The following PRKN variants were observed in gnomAD, a reference collection of about 807,000 sequenced individuals.
The protein encoded by PRKN is E3 ubiquitin-protein ligase parkin.
PRKN carries 56 observed loss-of-function variants against 59.5 expected under a neutral mutation model. The ratio of observed to expected loss-of-function variants is 0.94; its 90% CI spans 0.76 to 1.18. The LOEUF (loss-of-function observed/expected upper bound fraction) is 1.18, where lower values mean the gene tolerates loss of function less well. Ranked by LOEUF, PRKN falls within the 50% of genes most tolerant of loss-of-function variation. PRKN has a pLI of 0.00. For missense variants in PRKN, 657 were observed against 596.4 expected, an observed-to-expected ratio of 1.10 and a Z score of -1.06; for synonymous variants, 250 against 222.1, an observed-to-expected ratio of 1.13 and a Z score of -1.12.
chr6:161,887,357 T>C (rs1795191657), intron 6 of PRKN, among the ~76,000 whole-genome samples: 1 of 152,224 alleles, frequency 6.6e-6, no homozygotes, highest in Admixed American at 6.5e-5. Flanking sequence ...CAAGTGTTAC[T>C]GATGTAGTTA....
chr6:162,317,673 C>T (rs9458515), intron 2 of PRKN, among the ~76,000 whole-genome samples: 55,061 of 151,896 alleles, frequency 0.36, 11,829 homozygotes, highest in Non-Finnish European at 0.48. Flanking sequence ...AGTAGTCTGC[C>T]TGAAGGATAG....
chr6:161,668,865 T>C (rs573105281), intron 7 of PRKN, among the ~76,000 whole-genome samples: 40 of 152,344 alleles, frequency 2.6e-4, no homozygotes, highest in African/African-American at 9.6e-4. Flanking sequence ...GACCTGCTTC[T>C]ACCCCACTGG....
intron 4 of PRKN, among the ~76,000 whole-genome samples, chr6:162,123,391 A>T (rs1780996206): frequency 6.6e-6 from 1 of 152,240 alleles, no homozygotes; most frequent in Non-Finnish European, 1.5e-5. Context: ...TAGAAAAGAG[A>T]TGTTATAAAC....
rs1786966995 is a variant in PRKN at position 161,400,268 on chromosome 6, GT to G, written c.1084-13392del. On this transcript the variant is annotated intron_variant, in intron 9 of 11. Transcript: ENST00000366898. This position sits in a 1 kb window ranked among gnomAD's most constrained non-coding sequence, Gnocchi z 4.2. ...ATATTTTAGAAGAAAGTAGGATGAGGTGAGCTGGGGACATGGGGAAGATTAG... is the reference window on the plus strand; with the variant it reads ...ATATTTTAGAAGAAAGTAGGATGAGGGAGCTGGGGACATGGGGAAGATTAG... Among the ~76,000 whole-genome samples the G allele has an allele frequency of 6.6e-6, 1 of 152,096 alleles. No homozygotes were observed. The highest frequency in any genetic ancestry group is 2.4e-5 in the African/African-American group (1 of 41,396).
intron 8 of PRKN, among the ~76,000 whole-genome samples, chr6:161,557,224 T>C (rs1310652502): frequency 6.6e-6 from 1 of 152,214 alleles, no homozygotes; most frequent in Non-Finnish European, 1.5e-5. Context: ...AGTAAATTAT[T>C]CAGTCTTTAT....
intron 6 of PRKN, among the ~76,000 whole-genome samples, chr6:161,891,699 G>T (rs1795350572): frequency 6.6e-6 from 1 of 152,160 alleles, no homozygotes; most frequent in Admixed American, 6.5e-5. Flanking sequence ...TCTACAGGGG[G>T]TAAGACAAAT....
chr6:161,476,558 A>G (rs561405853), intron 9 of PRKN, among the ~76,000 whole-genome samples: 11 of 152,312 alleles, frequency 7.2e-5, no homozygotes, highest in African/African-American at 2.6e-4. Context: ...TTAAAGCTTA[A>G]GATGTTATTG....
At chr6:161,808,243 T>C in intron 6 of PRKN, among the ~76,000 whole-genome samples, 1 of 152,110 alleles carries the variant, frequency 6.6e-6, no homozygotes, top group East Asian at 1.9e-4. Context: ...TATTTAAATT[T>C]TCAATTTAAA....
intron 6 of PRKN, among the ~76,000 whole-genome samples, chr6:161,836,798 G>A (rs1583227299): frequency 6.6e-6 from 1 of 152,252 alleles, no homozygotes; most frequent in East Asian, 1.9e-4. Flanking sequence ...GAACCGGGGA[G>A]AGGGACTCCA....
chr6:162,436,960 C>T (rs865789084), intron 2 of PRKN, among the ~76,000 whole-genome samples: 9 of 151,886 alleles, frequency 5.9e-5, no homozygotes, highest in South Asian at 2.1e-4. Flanking sequence ...GGCGTGGTAG[C>T]GGGCGCCTGT....
intron 6 of PRKN, among the ~76,000 whole-genome samples, chr6:161,905,012 T>G (rs1778088629): frequency 1.3e-5 from 2 of 152,190 alleles, no homozygotes; most frequent in South Asian, 4.1e-4. Flanking sequence ...GTTTAATGCT[T>G]AGCTACATCT....
intron 6 of PRKN, among the ~76,000 whole-genome samples, chr6:161,799,475 C>T (rs191390999): frequency 6.5e-4 from 99 of 152,294 alleles, no homozygotes; most frequent in African/African-American, 1.8e-3. Flanking sequence ...TAGGCTCATC[C>T]GTTCAGAGAG....
intron 2 of PRKN, among the ~76,000 whole-genome samples, chr6:162,328,231 C>A (rs1003107303): frequency 2.1e-5 from 3 of 144,994 alleles, no homozygotes; most frequent in Non-Finnish European, 4.6e-5. Flanking sequence ...TGGTGGTGCA[C>A]ACCTGTAGTC....
At chr6:162,471,914 C>T (rs558055599) in intron 1 of PRKN, among the ~76,000 whole-genome samples, 2 of 152,182 alleles carry the variant, frequency 1.3e-5, no homozygotes, top group African/African-American at 2.4e-5. Flanking sequence ...GTCTGTCCTC[C>T]GATTGAAGAA....
chr6:162,354,595 A>T (rs1435588720), intron 2 of PRKN, among the ~76,000 whole-genome samples: 2 of 152,098 alleles, frequency 1.3e-5, no homozygotes, highest in Non-Finnish European at 2.9e-5. Context: ...AAGCTAGAGT[A>T]AGTGTATGGC....
chr6:161,629,177 C>T (rs1449404449), intron 7 of PRKN, among the ~76,000 whole-genome samples: 1 of 152,110 alleles, frequency 6.6e-6, no homozygotes, highest in Admixed American at 6.5e-5. Flanking sequence ...GGAAGCAGGA[C>T]AGACTCCTTG....
At chr6:161,785,977 C>T in intron 6 of PRKN, 69 bp from the exon 7 acceptor site, 1 of 1,505,498 alleles carries the variant, frequency 6.6e-7, no homozygotes, top group South Asian at 1.2e-5. Context: ...TGCTTTAGAC[C>T]AATTTCTGTA....
intron 7 of PRKN, among the ~76,000 whole-genome samples, chr6:161,784,407 C>T: frequency 6.6e-6 from 1 of 152,134 alleles, no homozygotes; most frequent in East Asian, 1.9e-4. Context: ...GGTAAGGATC[C>T]AGTATCCAGA....
At chr6:162,563,592 C>T (rs1779941264) in intron 1 of PRKN, among the ~76,000 whole-genome samples, 1 of 152,194 alleles carries the variant, frequency 6.6e-6, no homozygotes, top group African/African-American at 2.4e-5. Flanking sequence ...GTACCCAACT[C>T]TTCAATGCCC....
Sources: allele counts gnomAD v4.1 joint callset (sites outside exome capture counted in the v4.1 genomes callset), GRCh38; gene constraint gnomAD v4.1.1; non-coding constraint Gnocchi (gnomAD v3.1); transcripts MANE v1.5; gene names NCBI Gene and HGNC (gene_info 2026-07-23, HGNC 2026-07-21).